The following CTIF variants were observed in gnomAD, a reference collection of about 807,000 sequenced individuals.
The protein encoded by CTIF is CBP80/20-dependent translation initiation factor.
CTIF carries 21 observed loss-of-function variants against 66.0 expected under a neutral mutation model. That is an observed-to-expected ratio of 0.32 (90% CI 0.23 to 0.46). The LOEUF is 0.46. Among genes scored for constraint, CTIF ranks in the 20% least tolerant of loss-of-function variants. CTIF has a pLI of 1.00. For synonymous variants in CTIF, 345 were observed against 326.4 expected (o/e 1.06, Z -0.62); for missense variants, 739 against 812.7 (o/e 0.91, Z 1.10).
intron 6 of CTIF, among the ~76,000 whole-genome samples, chr18:48,704,923 G>C (rs1007205772): frequency 6.6e-6 from 1 of 152,202 alleles, no homozygotes; most frequent in African/African-American, 2.4e-5. Flanking sequence ...CTCAGGGTGG[G>C]CACATCTCGG....
chr18:48,572,692 G>A (rs1482255364), intron 1 of CTIF, among the ~76,000 whole-genome samples: 1 of 152,110 alleles, frequency 6.6e-6, no homozygotes, highest in Non-Finnish European at 1.5e-5. Context: ...GGTAGATAAA[G>A]AAGAGTGATT....
At chr18:48,673,133 C>T (rs561301129) in intron 6 of CTIF, among the ~76,000 whole-genome samples, 4 of 152,292 alleles carry the variant, frequency 2.6e-5, no homozygotes, top group East Asian at 1.9e-4. Flanking sequence ...GCTCCCACCA[C>T]GTCGCACCTG....
chr18:48,637,146 C>A (rs2090837999), intron 3 of CTIF, among the ~76,000 whole-genome samples: 1 of 152,198 alleles, frequency 6.6e-6, no homozygotes, highest in Non-Finnish European at 1.5e-5. Flanking sequence ...CTGGGAGGGG[C>A]AGCCTGTGGG....
chr18:48,782,280 G>C (rs1911306028), intron 9 of CTIF, among the ~76,000 whole-genome samples: 1 of 152,026 alleles, frequency 6.6e-6, no homozygotes, highest in African/African-American at 2.4e-5. Context: ...GACAGGGGAA[G>C]CCATATGAAG....
chr18:48,724,828 C>T (rs2092372314), intron 7 of CTIF, among the ~76,000 whole-genome samples: 1 of 152,208 alleles, frequency 6.6e-6, no homozygotes, highest in Non-Finnish European at 1.5e-5. Flanking sequence ...GATAGAGGAG[C>T]CCAAAACAGA....
chr18:48,652,855 TAAAC>T (rs1365826587), intron 3 of CTIF, among the ~76,000 whole-genome samples: 3 of 152,170 alleles, frequency 2.0e-5, no homozygotes, highest in African/African-American at 4.8e-5. Flanking sequence ...ATCCATCACA[TAAAC>T]AAAACCAACG....
chr18:48,767,154 C>T (rs941552366), intron 9 of CTIF, among the ~76,000 whole-genome samples: 4 of 152,136 alleles, frequency 2.6e-5, no homozygotes, highest in African/African-American at 9.7e-5. Flanking sequence ...TGATTGTTTC[C>T]GACTTCCAGG....
chr18:48,739,171 T>C (rs2092532261), intron 7 of CTIF, among the ~76,000 whole-genome samples: 1 of 152,180 alleles, frequency 6.6e-6, no homozygotes, highest in Non-Finnish European at 1.5e-5. Context: ...TTACTCTTCA[T>C]ACTCCCCATC....
At chr18:48,759,119 G>C (rs1908704734) in intron 8 of CTIF, among the ~76,000 whole-genome samples, 2 of 152,206 alleles carry the variant, frequency 1.3e-5, no homozygotes, top group Non-Finnish European at 2.9e-5. Context: ...ACCTCCAGAA[G>C]AGGGATGGGG....
rs138808486 is a variant in CTIF at position 48,555,103 on chromosome 18, C to T, written c.-29+15791C>T. On this transcript the variant is annotated intron_variant, in intron 1 of 11. Transcript: ENST00000256413. ...GTACATCTCTTTTATCAATGCTTCT[C>T]CTAAAATGGGGACACGGAATGGAAT... 2.9e-3 allele frequency among the ~76,000 whole-genome samples: 438 copies of T among 152,324 alleles called. 2 individuals are homozygous for T. The highest frequency in any genetic ancestry group is 0.01 in the African/African-American group (424 of 41,572).
At chr18:48,735,693 T>C (rs1014250676) in intron 7 of CTIF, among the ~76,000 whole-genome samples, 21 of 152,158 alleles carry the variant, frequency 1.4e-4, no homozygotes, top group Non-Finnish European at 1.9e-4. Context: ...ACCCATTTAG[T>C]TGGAGTCTTG....
At chr18:48,562,129 C>CTCT (rs1282370503) in intron 1 of CTIF, among the ~76,000 whole-genome samples, 1 of 152,182 alleles carries the variant, frequency 6.6e-6, no homozygotes, top group East Asian at 1.9e-4. Context: ...CTGGAAACAA[C>CTCT]TCTTCTTTAT....
intron 1 of CTIF, among the ~76,000 whole-genome samples, chr18:48,616,878 G>T (rs1301800592): frequency 1.3e-5 from 2 of 152,204 alleles, no homozygotes; most frequent in African/African-American, 4.8e-5. Context: ...CAGGTGACAG[G>T]TTCAGTGTGA....
chr18:48,808,061 T>G (rs1354424252), intron 9 of CTIF, among the ~76,000 whole-genome samples: 1 of 152,202 alleles, frequency 6.6e-6, no homozygotes, highest in East Asian at 1.9e-4. Context: ...TAAGAACTCT[T>G]AAGACTTATT....
intron 1 of CTIF, among the ~76,000 whole-genome samples, chr18:48,584,682 T>G (rs1003717690): frequency 1.8e-4 from 28 of 152,272 alleles, no homozygotes; most frequent in Non-Finnish European, 8.8e-5. Context: ...AGTGCAGGCC[T>G]CCTCTGACTG....
chr18:48,594,989 G>A (rs1432423887), intron 1 of CTIF, among the ~76,000 whole-genome samples: 3 of 152,254 alleles, frequency 2.0e-5, no homozygotes, highest in Non-Finnish European at 4.4e-5. Context: ...GGAGGTGGCC[G>A]TGAGCTGAGT....
At chr18:48,810,107 ATAGG>A (rs767946336) in intron 9 of CTIF, among the ~76,000 whole-genome samples, 6 of 152,096 alleles carry the variant, frequency 3.9e-5, no homozygotes, top group East Asian at 3.8e-4. Context: ...ATAAAATTTC[ATAGG>A]TAGGTAATAT....
chr18:48,632,082 G>C (rs1232237773), intron 2 of CTIF, among the ~76,000 whole-genome samples: 1 of 152,212 alleles, frequency 6.6e-6, no homozygotes, highest in African/African-American at 2.4e-5. Flanking sequence ...CTGGTGTTGA[G>C]AGCAGAATCC....
chr18:48,569,187 T>G (rs192256096), intron 1 of CTIF, among the ~76,000 whole-genome samples: 31 of 152,356 alleles, frequency 2.0e-4, no homozygotes, highest in African/African-American at 7.5e-4. Flanking sequence ...TCTGAAGTAC[T>G]GAGGGTTAGG....
Sources: gnomAD v4.1 joint callset for allele counts (sites outside exome capture counted in the v4.1 genomes callset) on GRCh38, gnomAD v4.1.1 for gene constraint, MANE v1.5 for transcripts, NCBI Gene and HGNC (gene_info 2026-07-23, HGNC 2026-07-21) for gene names.